The following PRKN variants were observed in gnomAD, a reference collection of about 807,000 sequenced individuals.
The protein encoded by PRKN is parkin RBR E3 ubiquitin protein ligase, also known as E3 ubiquitin-protein ligase parkin.
Under a neutral mutation model 59.5 loss-of-function variants are expected in PRKN, and 56 were observed. The ratio of observed to expected loss-of-function variants is 0.94; its 90% CI spans 0.76 to 1.18. PRKN has a LOEUF of 1.18. Ranked by LOEUF, PRKN falls within the 50% of genes most tolerant of loss-of-function variation. The probability of loss-of-function intolerance (pLI) is 0.00; values close to 1 mark genes in which losing one functional copy is unlikely to be tolerated. For missense variants in PRKN, 657 were observed against 596.4 expected, an observed-to-expected ratio of 1.10 and a Z score of -1.06; for synonymous variants, 250 against 222.1, an observed-to-expected ratio of 1.13 and a Z score of -1.12.
At chr6:162,025,170 C>T (rs1240238277) in intron 5 of PRKN, among the ~76,000 whole-genome samples, 5 of 151,944 alleles carry the variant, frequency 3.3e-5, no homozygotes, top group South Asian at 2.1e-4. Flanking sequence ...CACCTGCCAC[C>T]ACGCCTGGCT....
At chr6:162,652,790 T>G (rs537812239) in intron 1 of PRKN, among the ~76,000 whole-genome samples, 46 of 151,418 alleles carry the variant, frequency 3.0e-4, no homozygotes, top group East Asian at 2.3e-3. Flanking sequence ...TAAAAAAAAA[T>G]AAGAAGAAGA....
At chr6:162,091,517 G>A (rs1164182375) in intron 4 of PRKN, among the ~76,000 whole-genome samples, 6 of 152,082 alleles carry the variant, frequency 3.9e-5, no homozygotes, top group Non-Finnish European at 8.8e-5. Flanking sequence ...AGGGACCTAC[G>A]ACCTACTAGA....
At chr6:161,733,804 A>G (rs866551401) in intron 7 of PRKN, among the ~76,000 whole-genome samples, 2,926 of 128,876 alleles carry the variant, frequency 0.023, 89 homozygotes, top group African/African-American at 0.062. Context: ...ATATGTATAT[A>G]TATATATATA....
intron 4 of PRKN, among the ~76,000 whole-genome samples, chr6:162,180,550 T>C (rs1783759888): frequency 6.6e-6 from 1 of 152,160 alleles, no homozygotes; most frequent in Non-Finnish European, 1.5e-5. Context: ...CCAAAAAGAA[T>C]TGTCGGCTCA....
intron 1 of PRKN, among the ~76,000 whole-genome samples, chr6:162,703,752 G>T (rs762849846): frequency 1.3e-4 from 20 of 152,138 alleles, no homozygotes; most frequent in Non-Finnish European, 2.5e-4. Context: ...AAGACAACTG[G>T]AATGCATAGT....
chr6:162,284,867 T>C (rs866051354), intron 2 of PRKN, among the ~76,000 whole-genome samples: 13 of 152,284 alleles, frequency 8.5e-5, no homozygotes, highest in Middle Eastern at 3.4e-3. Context: ...TCACAAGTCA[T>C]ACATTGAATT....
At chr6:162,387,453 A>G (rs1051195929) in intron 2 of PRKN, among the ~76,000 whole-genome samples, 7 of 151,948 alleles carry the variant, frequency 4.6e-5, no homozygotes, top group Admixed American at 1.3e-4. Context: ...AACAACGATA[A>G]TAATTGCTCA....
rs543254180 is a variant in PRKN, at chr6:162,127,313, AC to A, written c.535-73140del. On this transcript the variant is annotated intron_variant, in intron 4 of 11. Coordinates refer to ENST00000366898, the MANE Select transcript of PRKN (RefSeq NM_004562.3). Reference sequence around the variant, plus strand: ...CCTGTTACTCAAAAGGTGCTAGTCTACCAACTCAACTTTTGCTTTCCAAATA... The same window carrying A: ...CCTGTTACTCAAAAGGTGCTAGTCTACAACTCAACTTTTGCTTTCCAAATA... Among the ~76,000 whole-genome samples, 5 of 152,354 alleles carry A rather than the reference AC, an allele frequency of 3.3e-5. No homozygotes were observed. In the South Asian group the frequency reaches 1.0e-3, roughly 32 times the overall value.
intron 1 of PRKN, among the ~76,000 whole-genome samples, chr6:162,601,317 AC>A (rs1471426737): frequency 9.1e-6 from 1 of 110,048 alleles, no homozygotes; most frequent in Non-Finnish European, 2.2e-5. Flanking sequence ...CAAAACATGA[AC>A]TTTTGGGGGA....
intron 2 of PRKN, among the ~76,000 whole-genome samples, chr6:162,397,945 G>C (rs1055676667): frequency 2.0e-5 from 3 of 150,674 alleles, no homozygotes; most frequent in Non-Finnish European, 4.4e-5. Flanking sequence ...GCTGAGGCCT[G>C]AGAACCACTT....
chr6:161,445,495 C>T lies in PRKN; in HGVS notation c.1084-58618G>A, dbSNP rs1789442600. On this transcript the variant is annotated intron_variant, in intron 9 of 11. Coordinates refer to ENST00000366898, the MANE Select transcript of PRKN (RefSeq NM_004562.3). This position sits in a 1 kb window ranked among gnomAD's most constrained non-coding sequence, Gnocchi z 7.7. ...GAATAAGGGAAGACTGTCCTTTCTC[C>T]AAGCTTGAAGGAAGATGACTGTGAC... Among the ~76,000 whole-genome samples the T allele has an allele frequency of 6.6e-6, 1 of 152,186 alleles. No individual in the cohort carries two copies. The highest frequency in any genetic ancestry group is 2.4e-5 in the African/African-American group (1 of 41,450).
chr6:162,049,239 A>G (rs1040320684), intron 5 of PRKN, among the ~76,000 whole-genome samples: 1 of 147,504 alleles, frequency 6.8e-6, no homozygotes, highest in Admixed American at 6.6e-5. Context: ...AAGTACATGG[A>G]TATTTTGTCT....
chr6:162,566,287 A>C (rs750783365), intron 1 of PRKN, among the ~76,000 whole-genome samples: 1 of 151,540 alleles, frequency 6.6e-6, no homozygotes, highest in Non-Finnish European at 1.5e-5. Context: ...AATAATAAAG[A>C]TCAGAGCAGA....
rs73782874 is a variant in PRKN, at chr6:161,419,282, C to A, written c.1084-32405G>T. Among the ~76,000 whole-genome samples the A allele has an allele frequency of 7.9e-5, 12 of 152,132 alleles. No homozygotes were observed. The highest frequency in any genetic ancestry group is 7.9e-4 in the Admixed American group (12 of 15,276). ...TTTAAAGAGGACAGTGAGGTCCCTGCGCCACAGTGGTAGAAAGTGACCAAC... is the reference window on the plus strand; with the variant it reads ...TTTAAAGAGGACAGTGAGGTCCCTGAGCCACAGTGGTAGAAAGTGACCAAC... On this transcript the variant is annotated intron_variant, in intron 9 of 11. Coordinates refer to ENST00000366898, the MANE Select transcript of PRKN (RefSeq NM_004562.3). This position sits in a 1 kb window ranked among gnomAD's most constrained non-coding sequence, Gnocchi z 4.1.
At chr6:162,073,795 A>G (rs961539971) in intron 4 of PRKN, among the ~76,000 whole-genome samples, 3 of 152,210 alleles carry the variant, frequency 2.0e-5, no homozygotes, top group African/African-American at 7.2e-5. Flanking sequence ...ATTCACTTCC[A>G]ATACAAAAAC....
chr6:162,350,184 C>A (rs1416610432), intron 2 of PRKN, among the ~76,000 whole-genome samples: 1 of 152,068 alleles, frequency 6.6e-6, no homozygotes, highest in Non-Finnish European at 1.5e-5. Flanking sequence ...AAACAAAACA[C>A]CACTGAGAGG....
intron 3 of PRKN, among the ~76,000 whole-genome samples, chr6:162,219,793 C>T (rs974806423): frequency 7.9e-5 from 12 of 152,072 alleles, no homozygotes; most frequent in African/African-American, 2.7e-4. Context: ...TGAAATAGGG[C>T]TAATAGTATT....
rs779926345 is a variant in PRKN, at chr6:161,592,184, A to G, written c.872-22768T>C. On this transcript the variant is annotated intron_variant, in intron 7 of 11. Transcript: ENST00000366898. The surrounding 1 kb of genome is among the most constrained non-coding windows in gnomAD (Gnocchi z 4.8). Reference sequence around the variant, plus strand: ...TGTTCATTTTTTCCAAATATTTTCTATCTGCAGTTGGGTGACTCCTCAGTT... The same window carrying G: ...TGTTCATTTTTTCCAAATATTTTCTGTCTGCAGTTGGGTGACTCCTCAGTT... Among the ~76,000 whole-genome samples the G allele has an allele frequency of 3.9e-5, 6 of 151,982 alleles. No individual in the cohort carries two copies. The highest frequency in any genetic ancestry group is 8.8e-5 in the Non-Finnish European group (6 of 67,986).
rs1562433349 is a variant in PRKN at position 161,977,541 on chromosome 6, G to GTTTTTTTTT, written c.619-4125_619-4124insAAAAAAAAA. Among the ~76,000 whole-genome samples, 106 of 98,668 alleles carry GTTTTTTTTT rather than the reference G, an allele frequency of 1.1e-3. 5 individuals are homozygous for GTTTTTTTTT. The highest frequency in any genetic ancestry group is 1.7e-3 in the African/African-American group (37 of 21,674). The allele number at this position is 98,668 out of a possible 152,430, so 64.7% of individuals were successfully genotyped here. On this transcript the variant is annotated intron_variant, in intron 5 of 11. Transcript: ENST00000366898. Reference sequence around the variant, plus strand: ...TATCTTCTCTACTTTCTGTTTTTTTGGTTTTTTTTTTTTTTTTTTTTTTTA... The same window carrying GTTTTTTTTT: ...TATCTTCTCTACTTTCTGTTTTTTTGTTTTTTTTTGTTTTTTTTTTTTTTTTTTTTTTTA...
Sources: allele counts gnomAD v4.1 joint callset (sites outside exome capture counted in the v4.1 genomes callset), GRCh38; gene constraint gnomAD v4.1.1; non-coding constraint Gnocchi (gnomAD v3.1); transcripts MANE v1.5; gene names NCBI Gene and HGNC (gene_info 2026-07-23, HGNC 2026-07-21).